The following TKTL1 variants were observed in gnomAD, a reference collection of about 807,000 sequenced individuals.
The protein encoded by TKTL1 is transketolase like 1.
TKTL1 carries 1 observed loss-of-function variant against 39.3 expected under a neutral mutation model. That is an observed-to-expected ratio of 0.03 (90% confidence interval 0.01 to 0.12). TKTL1 has a LOEUF of 0.12. Among genes scored for constraint, TKTL1 ranks in the 10% least tolerant of loss-of-function variants. The probability of loss-of-function intolerance (pLI) is 1.00; values close to 1 mark genes in which losing one functional copy is unlikely to be tolerated. For missense variants in TKTL1, 575 were observed against 509.6 expected (o/e 1.13, Z -1.24); for synonymous variants, 262 against 193.8 (o/e 1.35, Z -2.92).
At chrX:154,299,525 A>G (rs998192350) in intron 1 of TKTL1, among the ~76,000 whole-genome samples, 9 of 110,460 alleles carry the variant, frequency 8.1e-5, no homozygotes, top group African/African-American at 2.3e-4. Context: ...AATAAATTCT[A>G]TATTGGTGAA....
intron 8 of TKTL1, among the ~76,000 whole-genome samples, chrX:154,322,762 C>T (rs186133625): frequency 1.3e-4 from 14 of 111,586 alleles, no homozygotes; most frequent in African/African-American, 2.6e-4. Context: ...GTGTTAACTA[C>T]TTGGAAGGCC....
chrX:154,325,628 A>G (rs1603355129), intron 10 of TKTL1, among the ~76,000 whole-genome samples: 1 of 112,424 alleles, frequency 8.9e-6, no homozygotes, highest in African/African-American at 3.2e-5. Context: ...TCTGCTTTCC[A>G]AATGGAGTCT....
intron 1 of TKTL1, among the ~76,000 whole-genome samples, chrX:154,298,870 A>T (rs1240733306): frequency 1.8e-5 from 2 of 109,258 alleles, no homozygotes; most frequent in African/African-American, 6.8e-5. Flanking sequence ...TTTGAGACAG[A>T]GTCTTGCTGT....
At chrX:154,323,116 G>A in intron 8 of TKTL1, 91 bp from the exon 9 acceptor site, 1 of 1,109,356 alleles carries the variant, frequency 9.0e-7, no homozygotes, top group Non-Finnish European at 1.2e-6. Context: ...GTGGCAATAG[G>A]AATAATTGCT....
chrX:154,309,617 C>A (rs782499591), intron 3 of TKTL1, among the ~76,000 whole-genome samples, 175 bp downstream of exon 3: 3 of 111,089 alleles, frequency 2.7e-5, no homozygotes, highest in African/African-American at 9.8e-5. Context: ...CCACCTCGGG[C>A]GGCTGCCCCA....
intron 2 of TKTL1, 67 bp downstream of exon 2, chrX:154,305,488 G>T (rs372734914): frequency 8.8e-7 from 1 of 1,140,139 alleles, no homozygotes; most frequent in South Asian, 2.0e-5. Flanking sequence ...AACAGCCACC[G>T]TGTGGGAACA....
chrX:154,323,087 C>A, intron 8 of TKTL1, 120 bp from the exon 9 acceptor site: 1 of 932,436 alleles, frequency 1.1e-6, no homozygotes, highest in Non-Finnish European at 1.5e-6. Flanking sequence ...TGGGGCTCTG[C>A]TACAGCTCGG....
chrX:154,327,103 G>A, intron 10 of TKTL1: 1 of 224,711 alleles, frequency 4.5e-6, no homozygotes, highest in Non-Finnish European at 8.4e-6. Context: ...GAGAGCGAGG[G>A]CTTTGATGTC....
At position 154,303,175 on chromosome X, in the gene TKTL1, ATTTT is replaced by A. The variant is rs782695289; in HGVS notation, c.135-2127_135-2124del. 4.4e-3 allele frequency among the ~76,000 whole-genome samples: 412 copies of A among 92,690 alleles called. 2 individuals carry two copies. The highest frequency in any genetic ancestry group is 0.016 in the African/African-American group (366 of 23,544). The allele number at this position is 92,690 out of a possible 115,157, so 80.5% of individuals were successfully genotyped here. ...TACCTCTCATTCCCCATTTTTTAAAATTTTTATTTATTTATTTATTTATTTATTT... is the reference window on the plus strand; with the variant it reads ...TACCTCTCATTCCCCATTTTTTAAAATATTTATTTATTTATTTATTTATTT... On this transcript the variant is annotated intron_variant, in intron 1 of 12. Transcript: ENST00000369915.
At chrX:154,299,793 G>A (rs1216359732) in intron 1 of TKTL1, among the ~76,000 whole-genome samples, 3 of 111,919 alleles carry the variant, frequency 2.7e-5, no homozygotes, top group Middle Eastern at 4.6e-3. Context: ...TGGCTGAGCA[G>A]TATTCCATGT....
intron 8 of TKTL1, among the ~76,000 whole-genome samples, chrX:154,321,222 C>T (rs921484038): frequency 1.0e-4 from 11 of 109,195 alleles, no homozygotes; most frequent in African/African-American, 1.3e-4. Flanking sequence ...TTTCTGCCCT[C>T]GCTGTGGTTG....
intron 1 of TKTL1, among the ~76,000 whole-genome samples, chrX:154,299,299 G>A (rs2067255337): frequency 1.9e-5 from 2 of 107,092 alleles, no homozygotes; most frequent in Non-Finnish European, 3.9e-5. Context: ...GGGATTACAC[G>A]CATGCACCTC....
At chrX:154,314,062 A>G (rs782481549) in intron 6 of TKTL1, among the ~76,000 whole-genome samples, 60 of 111,920 alleles carry the variant, frequency 5.4e-4, no homozygotes, top group Admixed American at 1.0e-3. Context: ...AAAGAGGTAT[A>G]AAAACCTTAA....
At chrX:154,322,057 A>C (rs2148080015) in intron 8 of TKTL1, among the ~76,000 whole-genome samples, 1 of 109,455 alleles carries the variant, frequency 9.1e-6, no homozygotes, top group East Asian at 2.9e-4. Context: ...CACTTGGTGA[A>C]ACCCCATCTC....
chrX:154,302,007 A>G (rs782412542), intron 1 of TKTL1, among the ~76,000 whole-genome samples: 7 of 109,884 alleles, frequency 6.4e-5, no homozygotes, highest in South Asian at 3.9e-4. Flanking sequence ...TGTCAGGATC[A>G]TGTTGGTTTC....
chrX:154,320,809 G>C lies in TKTL1; in HGVS notation c.1082G>C (p.Ser361Thr). ...ASRGRTIAFA[S>T]TFAAFLTRAF... ...CGTGGACGGACCATTGCTTTTGCTA[G>C]CACCTTTGCTGCCTTTCTGACTCGA... Residue 361 changes from serine (S) to threonine (T), a missense_variant, in exon 8 of 13, where the codon AGC becomes ACC. Transcript: ENST00000369915. The C allele has an allele frequency of 8.3e-7, 1 of 1,211,334 alleles. No individual in the cohort carries two copies. The highest frequency in any genetic ancestry group is 1.7e-5 in the African/African-American group (1 of 57,740).
At chrX:154,296,862 A>G (rs182667552) in intron 1 of TKTL1, among the ~76,000 whole-genome samples, 84 of 112,038 alleles carry the variant, frequency 7.5e-4, no homozygotes, top group African/African-American at 2.7e-3. Context: ...AAAATGTTAC[A>G]AAAATTAGCT....
chrX:154,298,086 GCTTT>G (rs1285924770), intron 1 of TKTL1, among the ~76,000 whole-genome samples: 3 of 111,415 alleles, frequency 2.7e-5, no homozygotes, highest in Non-Finnish European at 3.8e-5. Flanking sequence ...GTTTTGTGAG[GCTTT>G]CTGTTTCTAG....
chrX:154,319,876 CAG>C (rs1287581569), intron 7 of TKTL1, among the ~76,000 whole-genome samples: 1 of 112,028 alleles, frequency 8.9e-6, no homozygotes, highest in Non-Finnish European at 1.9e-5. Context: ...TGTGTATCCG[CAG>C]AGAGGTTTGT....
Sources: allele counts gnomAD v4.1 joint callset (sites outside exome capture counted in the v4.1 genomes callset), GRCh38; gene constraint gnomAD v4.1.1; transcripts MANE v1.5; gene names NCBI Gene and HGNC (gene_info 2026-07-23, HGNC 2026-07-21).